The following SMC5 variants were observed in gnomAD, a reference collection of about 807,000 sequenced individuals.
The protein encoded by SMC5 is structural maintenance of chromosomes protein 5.
A neutral mutation model predicts 148.3 loss-of-function variants in SMC5; 88 were observed. The ratio of observed to expected loss-of-function variants is 0.59; its 90% CI spans 0.50 to 0.71. SMC5 has a LOEUF of 0.71. Ranked by LOEUF, SMC5 falls within the 30% of genes least tolerant of loss-of-function variation. The pLI is 0.00. For synonymous variants in SMC5, 421 were observed against 432.8 expected, an observed-to-expected ratio of 0.97 and a Z score of 0.34; for missense variants, 1,142 against 1,298.9, an observed-to-expected ratio of 0.88 and a Z score of 1.86.
In SMC5 at chr9:70,275,055, T is replaced by C. The variant is rs2034551105; in HGVS notation, c.381-2255T>C. ...TTTCTGCCAAAAGGATATTTGAAGT[T>C]TTCTTTTATGAGAGTTTTCTGTTGG... On this transcript the variant is annotated intron_variant, in intron 3 of 24. Transcript: ENST00000361138. Among the ~76,000 whole-genome samples, 3 of 152,270 alleles carry C rather than the reference T, an allele frequency of 2.0e-5. No individual in the cohort carries two copies. In the South Asian group the frequency reaches 6.2e-4, roughly 32 times the overall value.
At chr9:70,336,980 T>C (rs1356269278) in intron 17 of SMC5, among the ~76,000 whole-genome samples, 3 of 152,108 alleles carry the variant, frequency 2.0e-5, no homozygotes, top group Non-Finnish European at 2.9e-5. Flanking sequence ...CTTACATGAA[T>C]GGTGGCAGGC....
At chr9:70,309,009 C>T (rs546422776) in intron 11 of SMC5, among the ~76,000 whole-genome samples, 1 of 152,220 alleles carries the variant, frequency 6.6e-6, no homozygotes, top group South Asian at 2.1e-4. Flanking sequence ...CTATTTATAT[C>T]TATTAAGTGT....
intron 11 of SMC5, among the ~76,000 whole-genome samples, chr9:70,305,565 T>G (rs1197670474): frequency 6.6e-6 from 1 of 152,238 alleles, no homozygotes; most frequent in Non-Finnish European, 1.5e-5. Flanking sequence ...CAGCCCATAA[T>G]ATTCCATCTG....
At chr9:70,313,189 A>AT (rs2035703538) in intron 11 of SMC5, among the ~76,000 whole-genome samples, 1 of 152,070 alleles carries the variant, frequency 6.6e-6, no homozygotes, top group Non-Finnish European at 1.5e-5. Flanking sequence ...TTTTTGTGAT[A>AT]TTATCTTTTT....
At chr9:70,347,754 T>A in intron 21 of SMC5, 37 bp downstream of exon 21, 1 of 1,352,018 alleles carries the variant, frequency 7.4e-7, no homozygotes, top group Non-Finnish European at 1.0e-6. Context: ...ATCATGTGAT[T>A]ATTAATGAAA....
At chr9:70,272,372 A>T (rs1238766156) in intron 3 of SMC5, among the ~76,000 whole-genome samples, 1 of 152,168 alleles carries the variant, frequency 6.6e-6, no homozygotes, top group Non-Finnish European at 1.5e-5. Context: ...GTTTTTTTAA[A>T]AAAGGAACTT....
chr9:70,346,697 C>T (rs781514637), intron 19 of SMC5, 48 bp downstream of exon 19: 2 of 1,597,644 alleles, frequency 1.3e-6, no homozygotes, highest in South Asian at 1.1e-5. Flanking sequence ...TTCCCTCTGC[C>T]TTGCTCCTCC....
At position 70,346,656 on chromosome 9, in the gene SMC5, A is replaced by G. The variant is rs765441281; in HGVS notation, c.2568+7A>G. 4.3e-6 allele frequency: 7 copies of G among 1,613,752 alleles called. No homozygotes were observed. The African/African-American group carries it at 5.3e-5, about 12-fold the overall frequency. ...CAACTCCTCACTCCCCATGGTATGCAGTACTCATTCTTTTTTCCCAAGCTC... is the reference window on the plus strand; with the variant it reads ...CAACTCCTCACTCCCCATGGTATGCGGTACTCATTCTTTTTTCCCAAGCTC... On this transcript the variant is annotated splice_region_variant and intron_variant, in intron 19 of 24. Transcript: ENST00000361138.
At chr9:70,335,857 GTT>G (rs1459865216) in intron 17 of SMC5, among the ~76,000 whole-genome samples, 1 of 152,014 alleles carries the variant, frequency 6.6e-6, no homozygotes, top group Non-Finnish European at 1.5e-5. Context: ...TTAAGTTAGA[GTT>G]TTATCATTTA....
intron 3 of SMC5, among the ~76,000 whole-genome samples, chr9:70,276,200 C>T (rs1262970895): frequency 3.3e-5 from 5 of 152,302 alleles, no homozygotes; most frequent in East Asian, 1.9e-4. Flanking sequence ...GAGGGTATAT[C>T]GCTTAGATAT....
Position 70,350,341 on chromosome 9 carries a change from G to C in SMC5, c.3070-35G>C, listed in dbSNP as rs182529220. 8.3e-3 allele frequency: 13,404 copies of C among 1,609,034 alleles called. 81 individuals carry two copies. Among genetic ancestry groups the C allele is most frequent in the Non-Finnish European group, 0.01 (11,870 of 1,177,574 alleles). ...TGGATCTTCTTATATCCTGTAACAG[G>C]AATAAATGTAATCATTATTGTTGCC... On this transcript the variant is annotated intron_variant, in intron 23 of 24. Transcript: ENST00000361138.
Position 70,258,993 on chromosome 9 carries a change from G to T in SMC5, c.-86G>T, listed in dbSNP as rs1383036500. ...AGTTCGCGGCAGTTCGCGCGGGAGC[G>T]GGGCGCCTGGGTGGATGGGCGCTTG... On this transcript the variant is annotated 5_prime_UTR_variant, in exon 1 of 25. Coordinates refer to ENST00000361138, the MANE Select transcript of SMC5 (RefSeq NM_015110.4). 26 of 1,434,462 alleles carry T rather than the reference G, an allele frequency of 1.8e-5. No homozygotes were observed. The East Asian group carries it at 6.1e-4, about 34-fold the overall frequency. 88.9% of individuals were successfully genotyped at this position (1,434,462 alleles called of 1,614,324 possible). A position where few individuals can be genotyped will look rare whatever the true frequency, so the allele number is the denominator to read the frequency against.
At chr9:70,297,943 C>G (rs748598351) in intron 8 of SMC5, 23 bp from the exon 9 acceptor site, 3 of 1,602,836 alleles carry the variant, frequency 1.9e-6, no homozygotes, top group Non-Finnish European at 2.5e-6. Flanking sequence ...GTCTCAAGTA[C>G]TAACCTACTT....
At chr9:70,289,327 C>T (rs976894170) in intron 8 of SMC5, among the ~76,000 whole-genome samples, 5 of 152,098 alleles carry the variant, frequency 3.3e-5, no homozygotes, top group Admixed American at 1.3e-4. Flanking sequence ...TGTGAGCTAC[C>T]GCACCTGGCC....
chr9:70,265,201 G>A (rs116001282), intron 2 of SMC5, among the ~76,000 whole-genome samples: 3,860 of 152,252 alleles, frequency 0.025, 110 homozygotes, highest in South Asian at 0.07. Context: ...TATTGGCTGG[G>A]TGCGGTAGCT....
chr9:70,304,130 C>T (rs2035433921), intron 10 of SMC5, among the ~76,000 whole-genome samples: 1 of 152,044 alleles, frequency 6.6e-6, no homozygotes, highest in African/African-American at 2.4e-5. Flanking sequence ...ACTCTGTCAC[C>T]CAGGATGGAG....
chr9:70,351,435 A>G (rs1314591829), intron 24 of SMC5, among the ~76,000 whole-genome samples: 1 of 151,792 alleles, frequency 6.6e-6, no homozygotes, highest in Non-Finnish European at 1.5e-5. Context: ...TTTTTTCAGT[A>G]GATAGTCTTG....
At chr9:70,347,249 A>G in intron 20 of SMC5, 88 bp downstream of exon 20, 2 of 1,016,478 alleles carry the variant, frequency 2.0e-6, no homozygotes, top group East Asian at 5.0e-5. Flanking sequence ...AGTTCCCTCC[A>G]GTACTTGCCT....
At position 70,259,078 on chromosome 9, in the gene SMC5, G is replaced by T; in HGVS notation, c.-1G>T. The T allele has an allele frequency of 1.2e-6, 2 of 1,602,594 alleles. No homozygotes were observed. The highest frequency in any genetic ancestry group is 1.7e-6 in the Non-Finnish European group (2 of 1,173,564). ...CGCTGTGGGACGCTGAGGAAGCCAG[G>T]ATGGCGACTCCGAGCAAGAAGACGT... On this transcript the variant is annotated 5_prime_UTR_variant, in exon 1 of 25. Transcript: ENST00000361138.
Sources: gnomAD v4.1 joint callset for allele counts (sites outside exome capture counted in the v4.1 genomes callset) on GRCh38, gnomAD v4.1.1 for gene constraint, MANE v1.5 for transcripts, NCBI Gene and HGNC (gene_info 2026-07-23, HGNC 2026-07-21) for gene names.